Variants in RAB23 observed in about 807,000 individuals in gnomAD.
The protein encoded by RAB23 is RAB23, member RAS oncogene family, also known as ras-related protein Rab-23.
Under a neutral mutation model 30.0 loss-of-function variants are expected in RAB23, and 15 were observed. That is an observed-to-expected ratio of 0.50 (90% CI 0.33 to 0.77). The LOEUF (loss-of-function observed/expected upper bound fraction) is 0.77, where lower values mean the gene tolerates loss of function less well. RAB23 is among the 30% of genes least tolerant of loss of function. RAB23 has a pLI of 0.02. For missense variants in RAB23, 243 were observed against 275.4 expected (o/e 0.88, Z 0.83); for synonymous variants, 93 against 94.0 (o/e 0.99, Z 0.06).
chr6:57,217,657 AG>A (rs1765901643), intron 1 of RAB23, among the ~76,000 whole-genome samples: 2 of 152,210 alleles, frequency 1.3e-5, no homozygotes, highest in East Asian at 3.8e-4. Flanking sequence ...AAAGGAAAAA[AG>A]TTTCAACTCA....
At chr6:57,218,704 T>G (rs1371312084) in intron 1 of RAB23, among the ~76,000 whole-genome samples, 1 of 151,816 alleles carries the variant, frequency 6.6e-6, no homozygotes, top group Non-Finnish European at 1.5e-5. Flanking sequence ...TACAAAAAAT[T>G]AACTGGGTGT....
chr6:57,212,202 C>A (rs1460539970), intron 1 of RAB23, among the ~76,000 whole-genome samples: 1 of 152,076 alleles, frequency 6.6e-6, no homozygotes, highest in South Asian at 2.1e-4. Flanking sequence ...CTGTTGAGGC[C>A]GCATTCTCCC....
rs988822591 is a variant in RAB23, at chr6:57,188,849, TA to T, written c.*1611del. 7.2e-5 allele frequency: 11 copies of T among 152,162 alleles called. No individual in the cohort carries two copies. Among genetic ancestry groups the T allele is most frequent in the Non-Finnish European group, 1.6e-4 (11 of 68,014 alleles). 9.4% of individuals were successfully genotyped at this position (152,162 alleles called of 1,614,324 possible). A position where few individuals can be genotyped will look rare whatever the true frequency, so the allele number is the denominator to read the frequency against. ...AAGAGAACATTTACTTTTGATCACT[TA>T]ACAAGGACACACCCAGGAAATTTGA... On this transcript the variant is annotated 3_prime_UTR_variant, in exon 7 of 7. Transcript: ENST00000468148.
chr6:57,201,807 C>T (rs1259009957), intron 3 of RAB23, among the ~76,000 whole-genome samples: 1 of 152,162 alleles, frequency 6.6e-6, no homozygotes. Flanking sequence ...TATTTCATGT[C>T]GTCTGTATCT....
intron 3 of RAB23, among the ~76,000 whole-genome samples, chr6:57,206,882 A>C (rs1429298360): frequency 1.3e-5 from 2 of 152,246 alleles, no homozygotes; most frequent in African/African-American, 2.4e-5. Flanking sequence ...AGCATCTGCG[A>C]AATGCAGAGT....
At position 57,193,898 on chromosome 6, in the gene RAB23, A is replaced by C; in HGVS notation, c.518T>G (p.Leu173Arg). ...TGGATCCTCAGCTATTTGTTGTTTG[A>C]GTTTCTGAAGGTATTTTTCAGCCAA... ...KYLAEKYLQK[L>R]KQQIAEDPEL... Residue 173 changes from leucine (L) to arginine (R), a missense_variant, in exon 6 of 7, where the codon CTC becomes CGC. Transcript: ENST00000468148. 1 of 1,612,918 alleles carries C rather than the reference A, an allele frequency of 6.2e-7. No individual in the cohort carries two copies. Among genetic ancestry groups the C allele is most frequent in the Non-Finnish European group, 8.5e-7 (1 of 1,179,280 alleles).
rs758285349 is a variant in RAB23 at position 57,196,472 on chromosome 6, G to C, written c.376C>G (p.Leu126Val). 6.2e-7 allele frequency: 1 copy of C among 1,613,896 alleles called. No homozygotes were observed. Among genetic ancestry groups the C allele is most frequent in the African/African-American group, 1.3e-5 (1 of 75,004 alleles). ...TVLVQNKIDL[L>V]DDSCIKNEEA... ...TACTTCTTTATACAAGAATCATCCAGAAGATCAATCTTGTTTTGCACAAGT... is the reference window on the plus strand; with the variant it reads ...TACTTCTTTATACAAGAATCATCCACAAGATCAATCTTGTTTTGCACAAGT... The change falls in exon 4 of 7, where the codon CTG (leucine) becomes GTG (valine). Residue 126 changes from leucine (L) to valine (V), a missense_variant. Coordinates refer to ENST00000468148, the MANE Select transcript of RAB23 (RefSeq NM_016277.5).
In RAB23 at chr6:57,189,305, T is replaced by C. The variant is rs2127995773; in HGVS notation, c.*1156A>G. ...ATAATCTTAAAATACCATACAAAAATGTGTAAACAAAAGGATGGTTTAGAG... is the reference window on the plus strand; with the variant it reads ...ATAATCTTAAAATACCATACAAAAACGTGTAAACAAAAGGATGGTTTAGAG... On this transcript the variant is annotated 3_prime_UTR_variant, in exon 7 of 7. Transcript: ENST00000468148. The C allele has an allele frequency of 6.6e-6, 1 of 152,284 alleles. No homozygotes were observed. The highest frequency in any genetic ancestry group is 2.4e-5 in the African/African-American group (1 of 41,552). The allele number at this position is 152,284 out of a possible 1,614,324, so 9.4% of individuals were successfully genotyped here.
At chr6:57,221,195 G>A (rs1562664090) in intron 1 of RAB23, 1 of 152,134 alleles carries the variant, frequency 6.6e-6, no homozygotes, top group Non-Finnish European at 1.5e-5. Context: ...TAAAAATACT[G>A]AAAAACTTCT....
chr6:57,203,307 G>C (rs1336427899), intron 3 of RAB23, among the ~76,000 whole-genome samples: 1 of 151,990 alleles, frequency 6.6e-6, no homozygotes, highest in Non-Finnish European at 1.5e-5. Context: ...TGCCCAACCA[G>C]TTTTGCCTTT....
Position 57,189,486 on chromosome 6 carries a change from C to T in RAB23, c.*975G>A, listed in dbSNP as rs1178973523. The T allele has an allele frequency of 6.6e-6, 1 of 152,164 alleles. No individual in the cohort carries two copies. Among genetic ancestry groups the T allele is most frequent in the Non-Finnish European group, 1.5e-5 (1 of 68,042 alleles). 9.4% of individuals were successfully genotyped at this position (152,164 alleles called of 1,614,324 possible). A position where few individuals can be genotyped will look rare whatever the true frequency, so the allele number is the denominator to read the frequency against. On this transcript the variant is annotated 3_prime_UTR_variant, in exon 7 of 7. Coordinates refer to ENST00000468148, the MANE Select transcript of RAB23 (RefSeq NM_016277.5). Reference sequence around the variant, plus strand: ...GCATCACCACACTTCACAGGACCTCCTGAATGACTGCAGATGTGCTGTGTA... The same window carrying T: ...GCATCACCACACTTCACAGGACCTCTTGAATGACTGCAGATGTGCTGTGTA...
chr6:57,193,908 G>A lies in RAB23; in HGVS notation c.508C>T (p.Leu170Phe), dbSNP rs1373113917. ...EVFKYLAEKYLQKLKQQIAED... is the reference protein window; with the variant it reads ...EVFKYLAEKYFQKLKQQIAED... ...GCTATTTGTTGTTTGAGTTTCTGAA[G>A]GTATTTTTCAGCCAAATACTTAAAA... is the stretch of plus-strand genomic sequence containing the variant. Residue 170 changes from leucine (L) to phenylalanine (F), a missense_variant, in exon 6 of 7, where the codon CTT (leucine) becomes TTT (phenylalanine). By Grantham distance (22) the Leu-to-Phe change is conservative. Transcript: ENST00000468148. 1.2e-6 allele frequency: 2 copies of A among 1,612,508 alleles called. No homozygotes were observed. The highest frequency in any genetic ancestry group is 1.7e-6 in the Non-Finnish European group (2 of 1,179,148).
At chr6:57,217,117 A>ATT (rs1562661896) in intron 1 of RAB23, among the ~76,000 whole-genome samples, 1 of 152,120 alleles carries the variant, frequency 6.6e-6, no homozygotes, top group Non-Finnish European at 1.5e-5. Context: ...CTAGAAATCA[A>ATT]TAACAGAAAG....
At chr6:57,208,364 C>T (rs1765522754) in intron 2 of RAB23, among the ~76,000 whole-genome samples, 1 of 151,960 alleles carries the variant, frequency 6.6e-6, no homozygotes, top group Non-Finnish European at 1.5e-5. Flanking sequence ...AAGCAATTTA[C>T]CGCCAGTCAC....
chr6:57,203,134 G>A (rs1765332583), intron 3 of RAB23, among the ~76,000 whole-genome samples: 1 of 149,128 alleles, frequency 6.7e-6, no homozygotes, highest in Non-Finnish European at 1.5e-5. Context: ...AGCCTCCCCA[G>A]TACTGAGATT....
At chr6:57,209,401 A>C (rs1050156888) in intron 2 of RAB23, among the ~76,000 whole-genome samples, 2 of 152,230 alleles carry the variant, frequency 1.3e-5, no homozygotes, top group African/African-American at 4.8e-5. Context: ...AAGTATAAAA[A>C]GCAAACATCA....
intron 1 of RAB23, among the ~76,000 whole-genome samples, chr6:57,212,718 C>CA (rs35931979): frequency 0.043 from 3,827 of 89,122 alleles, 134 homozygotes; most frequent in African/African-American, 0.12. Flanking sequence ...CTGTCTCTAC[C>CA]AAAAAAAAAA....
At position 57,222,287 on chromosome 6, in the gene RAB23, A is replaced by ACCCG. The variant is rs954040311; in HGVS notation, c.-631_-628dup. 6.6e-6 allele frequency: 1 copy of ACCCG among 152,138 alleles called. No homozygotes were observed. Among genetic ancestry groups the ACCCG allele is most frequent in the African/African-American group, 2.4e-5 (1 of 41,388 alleles). The allele number at this position is 152,138 out of a possible 1,614,324, so 9.4% of individuals were successfully genotyped here. A position where few individuals can be genotyped will look rare whatever the true frequency, so the allele number is the denominator to read the frequency against. On this transcript the variant is annotated 5_prime_UTR_variant, in exon 1 of 7. It removes the in-frame stop codon of an upstream open reading frame in the 5' UTR. Coordinates refer to ENST00000468148, the MANE Select transcript of RAB23 (RefSeq NM_016277.5). The stretch of plus-strand genomic sequence containing the variant: ...GAGTCTCGACTCCCCTCATCTGTGG[A>ACCCG]CCCGCCGCGCTGCGGAGCATGCGCC...
intron 6 of RAB23, among the ~76,000 whole-genome samples, chr6:57,193,139 TG>T (rs1458216926): frequency 6.6e-6 from 1 of 151,996 alleles, no homozygotes; most frequent in Non-Finnish European, 1.5e-5. Context: ...ATAAGTGTCT[TG>T]TGTTCACAAA....
Sources: gnomAD v4.1 joint callset for allele counts (sites outside exome capture counted in the v4.1 genomes callset) on GRCh38, gnomAD v4.1.1 for gene constraint, MANE v1.5 for transcripts, NCBI Gene and HGNC (gene_info 2026-07-23, HGNC 2026-07-21) for gene names.